Variants in CPXM2 observed in about 807,000 individuals in gnomAD.
CPXM2 encodes inactive carboxypeptidase-like protein X2.
CPXM2 carries 66 observed loss-of-function variants against 86.1 expected under a neutral mutation model. The observed-to-expected ratio is 0.77, with a 90% CI of 0.63 to 0.94. The LOEUF (loss-of-function observed/expected upper bound fraction) is 0.94, where lower values mean the gene tolerates loss of function less well. Among genes scored for constraint, CPXM2 ranks in the 40% least tolerant of loss-of-function variants. The pLI, the probability that CPXM2 is intolerant of heterozygous loss-of-function variation, is 0.00. For missense variants in CPXM2, 948 were observed against 1,026.3 expected (o/e 0.92, Z 1.04); for synonymous variants, 388 against 400.2 (o/e 0.97, Z 0.36).
intron 4 of CPXM2, among the ~76,000 whole-genome samples, chr10:123,833,913 C>A (rs58713772): frequency 0.13 from 19,005 of 150,388 alleles, 1,328 homozygotes; most frequent in East Asian, 0.33. Flanking sequence ...CAACAGCAGA[C>A]CCCTTACAGG....
chr10:123,764,528 C>T (rs1473849480), intron 10 of CPXM2, among the ~76,000 whole-genome samples: 1 of 151,854 alleles, frequency 6.6e-6, no homozygotes, highest in Non-Finnish European at 1.5e-5. Flanking sequence ...ACTCTGTTGC[C>T]CAGGGTGGAG....
At chr10:123,864,412 G>A (rs1366603406) in intron 2 of CPXM2, among the ~76,000 whole-genome samples, 2 of 152,226 alleles carry the variant, frequency 1.3e-5, no homozygotes, top group Non-Finnish European at 2.9e-5. Flanking sequence ...AGACCCTGAT[G>A]GGGAACCAGG....
chr10:123,797,759 ATTTTTG>A (rs1313348126), intron 6 of CPXM2, among the ~76,000 whole-genome samples: 1 of 151,454 alleles, frequency 6.6e-6, no homozygotes, highest in Non-Finnish European at 1.5e-5. Context: ...ATTTATTTTT[ATTTTTG>A]TGGAGACAAT....
chr10:123,921,791 G>C (rs1945581224), intron 2 of CPXM2, among the ~76,000 whole-genome samples: 1 of 152,206 alleles, frequency 6.6e-6, no homozygotes, highest in Non-Finnish European at 1.5e-5. Flanking sequence ...AGAATCCCAG[G>C]ATACCTAGAG....
At chr10:123,906,228 G>A (rs1405891946) in intron 2 of CPXM2, among the ~76,000 whole-genome samples, 2 of 152,180 alleles carry the variant, frequency 1.3e-5, no homozygotes, top group Non-Finnish European at 2.9e-5. Context: ...GGCTAACCTC[G>A]TTCTTTAACC....
At chr10:123,890,668 C>T (rs887161960) in intron 1 of CPXM2, among the ~76,000 whole-genome samples, 1 of 152,210 alleles carries the variant, frequency 6.6e-6, no homozygotes, top group Non-Finnish European at 1.5e-5. Flanking sequence ...AAGTCATTTT[C>T]CTAAGAAAAT....
intron 4 of CPXM2, among the ~76,000 whole-genome samples, chr10:123,815,059 T>C (rs556768872): frequency 1.3e-3 from 199 of 152,262 alleles, no homozygotes; most frequent in African/African-American, 4.6e-3. Context: ...ATAAATACAT[T>C]TGACACTCCT....
Position 123,749,525 on chromosome 10 carries a change from G to A in CPXM2, c.2018-2508C>T, listed in dbSNP as rs79092137. 7.4e-4 allele frequency among the ~76,000 whole-genome samples: 112 copies of A among 152,270 alleles called. 1 individual carries two copies. In the East Asian group the frequency reaches 0.02, roughly 28 times the overall value. Reference sequence around the variant, plus strand: ...ATGGTGCTTACTCCCTAAACCTGCTGTTATCGCAGGGCCACATGGCGATGA... The same window carrying A: ...ATGGTGCTTACTCCCTAAACCTGCTATTATCGCAGGGCCACATGGCGATGA... On this transcript the variant is annotated intron_variant, in intron 13 of 13. Coordinates refer to ENST00000241305, the MANE Select transcript of CPXM2 (RefSeq NM_198148.3).
intron 2 of CPXM2, among the ~76,000 whole-genome samples, chr10:123,870,921 C>T (rs185833412): frequency 6.6e-6 from 1 of 152,294 alleles, no homozygotes; most frequent in Admixed American, 6.5e-5. Context: ...AAGAGAGTCC[C>T]TGCAAACCTG....
chr10:123,782,660 C>G (rs60378205), intron 6 of CPXM2, among the ~76,000 whole-genome samples: 1 of 152,198 alleles, frequency 6.6e-6, no homozygotes, highest in Non-Finnish European at 1.5e-5. Flanking sequence ...CCAGAGTCCA[C>G]AGACAGAGCC....
chr10:123,891,422 T>C lies in CPXM2; in HGVS notation c.238A>G (p.Lys80Glu). ...ERRPQEPRPP[K>E]RATKPKKAPK... Reference sequence around the variant, plus strand: ...GCTTTCTTGGGCTTGGTGGCCCTCTTGGGCGGCCTGGGCTCCTGCGGGCGC... The same window carrying C: ...GCTTTCTTGGGCTTGGTGGCCCTCTCGGGCGGCCTGGGCTCCTGCGGGCGC... The change falls in exon 1 of 14, where the codon AAG becomes GAG. Residue 80 changes from lysine to glutamate, a missense_variant. Physicochemically the swap from Lys to Glu is moderately conservative, Grantham distance 56 (BLOSUM62 1). Transcript: ENST00000241305. The surrounding 1 kb of genome is among the most constrained non-coding windows in gnomAD (Gnocchi z 5.6). The C allele has an allele frequency of 6.4e-7, 1 of 1,559,632 alleles. No homozygotes were observed. The highest frequency in any genetic ancestry group is 1.2e-5 in the South Asian group (1 of 84,782).
intron 3 of CPXM2, chr10:123,843,332 A>G: frequency 2.2e-6 from 1 of 450,968 alleles, no homozygotes; most frequent in Non-Finnish European, 4.4e-6. Flanking sequence ...CCATGTGAAG[A>G]GATAATTCCC....
In CPXM2 at chr10:123,891,669, GC is replaced by G; in HGVS notation, c.-11del. 7.3e-7 allele frequency: 1 copy of G among 1,378,626 alleles called. No individual in the cohort carries two copies. Among genetic ancestry groups the G allele is most frequent in the Non-Finnish European group, 9.4e-7 (1 of 1,067,258 alleles). 85.4% of individuals were successfully genotyped at this position (1,378,626 alleles called of 1,614,324 possible). A position where few individuals can be genotyped will look rare whatever the true frequency, so the allele number is the denominator to read the frequency against. On this transcript the variant is annotated 5_prime_UTR_variant, in exon 1 of 14. Coordinates refer to ENST00000241305, the MANE Select transcript of CPXM2 (RefSeq NM_198148.3). The surrounding 1 kb of genome is among the most constrained non-coding windows in gnomAD (Gnocchi z 5.6). ...TCCCCGGGCGGGACATGCCTGCTCC[GC>G]CCCGCGCCCAGGGCAGGGTCACGGT...
chr10:123,853,422 G>A (rs946144555), intron 3 of CPXM2, among the ~76,000 whole-genome samples: 1 of 152,174 alleles, frequency 6.6e-6, no homozygotes, highest in Non-Finnish European at 1.5e-5. Flanking sequence ...GGTCATTTAG[G>A]CATCCTCAGC....
Position 123,921,300 on chromosome 10 carries a change from T to C in CPXM2, n.174+18177A>G, listed in dbSNP as rs537772856. ...AGACAATTTTTTTTTAAAAAAAGCA[T>C]CTAAAGTTCAAAATTATTAGACATT... On this transcript the variant is annotated intron_variant and non_coding_transcript_variant, in intron 2 of 19. Transcript: ENST00000368854. Among the ~76,000 whole-genome samples the C allele has an allele frequency of 4.6e-5, 7 of 152,284 alleles. No homozygotes were observed. The East Asian group carries it at 1.3e-3, about 29-fold the overall frequency.
At chr10:123,761,309 C>A (rs1275140025) in intron 11 of CPXM2, among the ~76,000 whole-genome samples, 1 of 152,194 alleles carries the variant, frequency 6.6e-6, no homozygotes, top group East Asian at 1.9e-4. Flanking sequence ...CCGTCCTCAC[C>A]ACAGGTTCAG....
At chr10:123,794,053 G>T (rs954698601) in intron 6 of CPXM2, among the ~76,000 whole-genome samples, 4 of 152,230 alleles carry the variant, frequency 2.6e-5, no homozygotes, top group African/African-American at 4.8e-5. Flanking sequence ...GGGAGGATGT[G>T]CGTATCAGGA....
At chr10:123,829,076 TC>T (rs1337613839) in intron 4 of CPXM2, among the ~76,000 whole-genome samples, 2 of 152,134 alleles carry the variant, frequency 1.3e-5, no homozygotes, top group African/African-American at 4.8e-5. Flanking sequence ...AAGAAACATT[TC>T]ACTAAAAAGG....
intron 2 of CPXM2, among the ~76,000 whole-genome samples, chr10:123,868,475 G>A (rs576482430): frequency 2.6e-5 from 4 of 152,246 alleles, no homozygotes; most frequent in South Asian, 2.1e-4. Flanking sequence ...GTACTGTCTC[G>A]CAGCCACAGT....
Sources: allele counts gnomAD v4.1 joint callset (sites outside exome capture counted in the v4.1 genomes callset), GRCh38; gene constraint gnomAD v4.1.1; non-coding constraint Gnocchi (gnomAD v3.1); transcripts MANE v1.5; gene names NCBI Gene and HGNC (gene_info 2026-07-23, HGNC 2026-07-21).